PCDHGA5: variants seen among roughly 807,000 people sequenced by gnomAD.
PCDHGA5 encodes protocadherin gamma subfamily A, 5.
In PCDHGA5, 36 loss-of-function variants were observed where a neutral mutation model predicts 56.7. The ratio of observed to expected loss-of-function variants is 0.64; its 90% CI spans 0.49 to 0.84. PCDHGA5 has a LOEUF of 0.84. Ranked by LOEUF, PCDHGA5 falls within the 40% of genes least tolerant of loss-of-function variation. The pLI is 0.00. For missense variants in PCDHGA5, 1,305 were observed against 1,201.5 expected (o/e 1.09, Z -1.27); for synonymous variants, 563 against 520.2 (o/e 1.08, Z -1.12).
At position 141,512,903 on chromosome 5, in the gene PCDHGA5, CAA is replaced by C. The variant is rs2099884494; in HGVS notation, c.*1731_*1732del. The C allele has an allele frequency of 6.6e-6, 1 of 152,224 alleles. No individual in the cohort carries two copies. Among genetic ancestry groups the C allele is most frequent in the African/African-American group, 2.4e-5 (1 of 41,452 alleles). 9.4% of individuals were successfully genotyped at this position (152,224 alleles called of 1,614,324 possible). On this transcript the variant is annotated 3_prime_UTR_variant, in exon 4 of 4. Transcript: ENST00000518069. ...CCCCACCCTCTTCCTGTGTCTCACG[CAA>C]GTTTTATACTCTAATATTTATATGG...
At chr5:141,418,828 C>G in intron 1 of PCDHGA5, 1 of 1,613,978 alleles carries the variant, frequency 6.2e-7, no homozygotes, top group Non-Finnish European at 8.5e-7. Flanking sequence ...AAGCAAAAGA[C>G]CGAGGATCTC....
chr5:141,419,333 A>G, intron 1 of PCDHGA5: 2 of 1,613,804 alleles, frequency 1.2e-6, no homozygotes, highest in South Asian at 1.1e-5. Context: ...CTACTCTCTC[A>G]TTGCCAGCGA....
chr5:141,485,408 T>G lies in PCDHGA5; in HGVS notation c.2422-9399T>G. On this transcript the variant is annotated intron_variant, in intron 1 of 3. Transcript: ENST00000518069. The surrounding 1 kb of genome is among the most constrained non-coding windows in gnomAD (Gnocchi z 5.7). ...GAACCAAAGACACTTCCGTGTGGAT[T>G]TGGACAGCGGAGCCCTGCTCATCAA... 1 of 1,614,112 alleles carries G rather than the reference T, an allele frequency of 6.2e-7. No individual in the cohort carries two copies. The highest frequency in any genetic ancestry group is 8.5e-7 in the Non-Finnish European group (1 of 1,180,034).
intron 1 of PCDHGA5, chr5:141,403,303 C>A: frequency 6.2e-7 from 1 of 1,613,820 alleles, no homozygotes; most frequent in African/African-American, 1.3e-5. Context: ...TGAAACTGTA[C>A]GGAATAGAAA....
intron 1 of PCDHGA5, among the ~76,000 whole-genome samples, chr5:141,467,017 C>T (rs1036255706): frequency 4.0e-5 from 6 of 151,156 alleles, no homozygotes; most frequent in African/African-American, 1.5e-4. Context: ...AATTTTTTTC[C>T]CTTTGTTTTT....
chr5:141,423,082 G>A (rs1390567548), intron 1 of PCDHGA5: 3 of 1,614,078 alleles, frequency 1.9e-6, no homozygotes, highest in Admixed American at 1.7e-5. Flanking sequence ...GGGACTCTTC[G>A]CGGTGGGGGA....
Position 141,511,267 on chromosome 5 carries a change from C to T in PCDHGA5, c.*94C>T, listed in dbSNP as rs1223074819. 1.3e-6 allele frequency: 2 copies of T among 1,549,404 alleles called. No homozygotes were observed. Among genetic ancestry groups the T allele is most frequent in the Non-Finnish European group, 1.7e-6 (2 of 1,146,836 alleles). On this transcript the variant is annotated 3_prime_UTR_variant, in exon 4 of 4. Transcript: ENST00000518069. ...CCAGGCCTCAGAGTTTCAGGGCTAA[C>T]CCCCAGAATACTGGTAGGGGCCAAG...
At chr5:141,469,610 AAAAT>A (rs1360697662) in intron 1 of PCDHGA5, among the ~76,000 whole-genome samples, 1 of 152,194 alleles carries the variant, frequency 6.6e-6, no homozygotes, top group Non-Finnish European at 1.5e-5. Context: ...TAAGTAAAAT[AAAAT>A]AAATGTTTGT....
At chr5:141,428,082 G>C (rs776612130) in intron 1 of PCDHGA5, 2 of 1,609,030 alleles carry the variant, frequency 1.2e-6, no homozygotes, top group Non-Finnish European at 8.5e-7. Flanking sequence ...GGGACACAAC[G>C]CTTGGCTGTC....
chr5:141,365,177 AAT>A lies in PCDHGA5; in HGVS notation c.848_849del (p.Asn283ArgfsTer12). On this transcript the variant is annotated frameshift_variant, in exon 1 of 4. Coordinates refer to ENST00000518069, the MANE Select transcript of PCDHGA5 (RefSeq NM_018918.3). LOFTEE classifies it high-confidence loss of function. ...CGGGAAATTGACCTACTCTTTTCGCAATGAAGAAGAAAAAATTTCGGAGACTT... is the reference window on the plus strand; with the variant it reads ...CGGGAAATTGACCTACTCTTTTCGCAGAAGAAGAAAAAATTTCGGAGACTT... The part of the protein sequence containing the change: ...INGKLTYSFR[N>X]EEEKISETFQ... 2 of 1,613,884 alleles carry A rather than the reference AAT, an allele frequency of 1.2e-6. No individual in the cohort carries two copies. Among genetic ancestry groups the A allele is most frequent in the Non-Finnish European group, 1.7e-6 (2 of 1,179,886 alleles).
At chr5:141,505,361 A>G (rs2099845711) in intron 2 of PCDHGA5, 32 bp from the exon 3 acceptor site, 1 of 1,613,910 alleles carries the variant, frequency 6.2e-7, no homozygotes, top group South Asian at 1.1e-5. Context: ...CCGGCCTGGG[A>G]GTCTGTGCTC....
At chr5:141,502,019 G>A (rs1454981730) in intron 2 of PCDHGA5, among the ~76,000 whole-genome samples, 1 of 152,008 alleles carries the variant, frequency 6.6e-6, no homozygotes, top group African/African-American at 2.4e-5. Flanking sequence ...TCTCCTCCCT[G>A]CAACCCCCGC....
intron 1 of PCDHGA5, chr5:141,398,475 T>C (rs1201280028): frequency 2.0e-5 from 32 of 1,607,296 alleles, no homozygotes; most frequent in Admixed American, 1.7e-4. Flanking sequence ...CACTGAACTT[T>C]TATCACGTGA....
At position 141,445,006 on chromosome 5, in the gene PCDHGA5, G is replaced by A. The variant is rs550056654; in HGVS notation, c.2422-49801G>A. Among the ~76,000 whole-genome samples, 51 of 152,044 alleles carry A rather than the reference G, an allele frequency of 3.4e-4. 2 individuals are homozygous for A. The South Asian group carries it at 9.6e-3, about 28-fold the overall frequency. ...CATGGTATATATTTCCATTTAATTA[G>A]GTCTTTAATTTCTCTCAGCTATGTT... On this transcript the variant is annotated intron_variant, in intron 1 of 3. Transcript: ENST00000518069.
In PCDHGA5 at chr5:141,493,577, T is replaced by C. The variant is rs2099749081; in HGVS notation, c.2422-1230T>C. On this transcript the variant is annotated intron_variant, in intron 1 of 3. Coordinates refer to ENST00000518069, the MANE Select transcript of PCDHGA5 (RefSeq NM_018918.3). This position sits in a 1 kb window ranked among gnomAD's most constrained non-coding sequence, Gnocchi z 4.3. ...GAGTTCCCCCAGCTCCGTTTCCTCC[T>C]ATCACAATCACTGCATTTCCATGTA... Among the ~76,000 whole-genome samples, 2 of 152,208 alleles carry C rather than the reference T, an allele frequency of 1.3e-5. No homozygotes were observed. The highest frequency in any genetic ancestry group is 1.3e-4 in the Admixed American group (2 of 15,280).
chr5:141,411,366 T>C (rs559840924), intron 1 of PCDHGA5: 1 of 152,208 alleles, frequency 6.6e-6, no homozygotes, highest in South Asian at 2.1e-4. Flanking sequence ...AGCCCAAGAA[T>C]TGAGACCAGC....
At chr5:141,387,304 T>C (rs1186076797) in intron 1 of PCDHGA5, among the ~76,000 whole-genome samples, 3 of 152,208 alleles carry the variant, frequency 2.0e-5, no homozygotes, top group Non-Finnish European at 4.4e-5. Context: ...ATCCAGTATA[T>C]TTCTAATGAG....
chr5:141,426,492 T>C (rs1439487321), intron 1 of PCDHGA5: 2 of 336,712 alleles, frequency 5.9e-6, no homozygotes, highest in African/African-American at 4.3e-5. Context: ...TTAGAGTTAG[T>C]GCAGAGAAAC....
chr5:141,383,235 T>C (rs1205858909), intron 1 of PCDHGA5: 2 of 1,613,838 alleles, frequency 1.2e-6, no homozygotes, highest in Admixed American at 3.3e-5. Flanking sequence ...TGATGGAAGA[T>C]AAAATGAATC....
Sources: allele counts gnomAD v4.1 joint callset (sites outside exome capture counted in the v4.1 genomes callset), GRCh38; gene constraint gnomAD v4.1.1; non-coding constraint Gnocchi (gnomAD v3.1); transcripts MANE v1.5; gene names NCBI Gene and HGNC (gene_info 2026-07-23, HGNC 2026-07-21).